ATG4C: variants seen among roughly 807,000 people sequenced by gnomAD.
The protein encoded by ATG4C is autophagy related 4C cysteine peptidase, also known as cysteine protease ATG4C.
Under a neutral mutation model 57.6 loss-of-function variants are expected in ATG4C, and 56 were observed. The observed-to-expected ratio is 0.97, with a 90% CI of 0.78 to 1.21. The LOEUF is 1.21. ATG4C is among the 50% of genes most tolerant of loss of function. ATG4C has a pLI of 0.00. For synonymous variants in ATG4C, 157 were observed against 174.1 expected, an observed-to-expected ratio of 0.90 and a Z score of 0.78; for missense variants, 595 against 529.8, an observed-to-expected ratio of 1.12 and a Z score of -1.21.
chr1:62,838,819 CT>C (rs1572154036), intron 9 of ATG4C, among the ~76,000 whole-genome samples: 1 of 151,758 alleles, frequency 6.6e-6, no homozygotes, highest in East Asian at 1.9e-4. Flanking sequence ...TAAAATGCCT[CT>C]CTGTTGTATG....
intron 10 of ATG4C, among the ~76,000 whole-genome samples, chr1:62,857,411 T>C (rs1666719356): frequency 6.6e-6 from 1 of 152,206 alleles, no homozygotes. Flanking sequence ...CATCCCCAGA[T>C]GGGACAGTCT....
chr1:62,806,710 C>T (rs1572109206), intron 3 of ATG4C, among the ~76,000 whole-genome samples: 1 of 152,056 alleles, frequency 6.6e-6, no homozygotes, highest in African/African-American at 2.4e-5. Context: ...GCTGTATGTC[C>T]ATTGAGAGGT....
chr1:62,837,845 G>A (rs796314910), intron 9 of ATG4C, among the ~76,000 whole-genome samples: 4 of 152,188 alleles, frequency 2.6e-5, no homozygotes, highest in East Asian at 1.9e-4. Flanking sequence ...CAGTTGGAGC[G>A]TAGTGTGTAA....
chr1:62,804,182 G>A (rs1664778221), intron 2 of ATG4C, among the ~76,000 whole-genome samples: 1 of 151,612 alleles, frequency 6.6e-6, no homozygotes, highest in Non-Finnish European at 1.5e-5. Flanking sequence ...TGCCTCCCAG[G>A]TTCAAGTGAT....
At chr1:62,827,434 T>C (rs1665698261) in intron 6 of ATG4C, among the ~76,000 whole-genome samples, 1 of 152,186 alleles carries the variant, frequency 6.6e-6, no homozygotes, top group South Asian at 2.1e-4. Context: ...CATAAGGTCT[T>C]CCCTGGCCAC....
At chr1:62,807,542 C>T (rs540985735) in intron 3 of ATG4C, among the ~76,000 whole-genome samples, 3 of 152,234 alleles carry the variant, frequency 2.0e-5, no homozygotes, top group East Asian at 1.9e-4. Context: ...ATTTATCATG[C>T]CTATGTGATG....
chr1:62,818,404 G>A (rs1665355578), intron 4 of ATG4C, among the ~76,000 whole-genome samples: 1 of 152,090 alleles, frequency 6.6e-6, no homozygotes. Context: ...GTCAAGACTG[G>A]ATGTTTGATA....
intron 7 of ATG4C, among the ~76,000 whole-genome samples, chr1:62,833,755 T>C (rs1254597139): frequency 6.6e-6 from 1 of 152,168 alleles, no homozygotes; most frequent in Non-Finnish European, 1.5e-5. Flanking sequence ...TTTATTGCCT[T>C]ACGGTGGTAA....
At chr1:62,829,787 C>T (rs1405698440) in intron 7 of ATG4C, among the ~76,000 whole-genome samples, 4 of 152,032 alleles carry the variant, frequency 2.6e-5, no homozygotes, top group African/African-American at 9.7e-5. Flanking sequence ...CCAAGACATT[C>T]ACATATGATA....
intron 7 of ATG4C, among the ~76,000 whole-genome samples, chr1:62,833,427 A>T (rs948101609): frequency 6.6e-6 from 1 of 152,140 alleles, no homozygotes; most frequent in Non-Finnish European, 1.5e-5. Context: ...GTATTAAATA[A>T]TTTATTGTGG....
chr1:62,828,543 G>A (rs1161943201), intron 6 of ATG4C, among the ~76,000 whole-genome samples: 2 of 152,070 alleles, frequency 1.3e-5, no homozygotes, highest in South Asian at 2.1e-4. Flanking sequence ...TACAGATGCT[G>A]GATATTAGAC....
chr1:62,807,049 C>T lies in ATG4C; in HGVS notation c.160+1794C>T, dbSNP rs575900117. On this transcript the variant is annotated intron_variant, in intron 3 of 10. Coordinates refer to ENST00000317868, the MANE Select transcript of ATG4C (RefSeq NM_032852.4). Reference sequence around the variant, plus strand: ...TTTTGAGCAATGAAATGAAAAATTTCATTTAATTATTTTTAGTAATCATTT... The same window carrying T: ...TTTTGAGCAATGAAATGAAAAATTTTATTTAATTATTTTTAGTAATCATTT... Among the ~76,000 whole-genome samples, 167 of 152,258 alleles carry T rather than the reference C, an allele frequency of 1.1e-3. 2 individuals carry two copies. Among genetic ancestry groups the T allele is most frequent in the Non-Finnish European group, 2.0e-3 (134 of 68,026 alleles).
At chr1:62,818,919 A>G in intron 4 of ATG4C, 86 bp from the exon 5 acceptor site, 2 of 1,085,856 alleles carry the variant, frequency 1.8e-6, no homozygotes, top group Non-Finnish European at 2.6e-6. Flanking sequence ...AACCCAAATG[A>G]CCTTAAATGC....
At chr1:62,791,556 T>C (rs10889380) in intron 1 of ATG4C, among the ~76,000 whole-genome samples, 32,561 of 152,106 alleles carry the variant, frequency 0.21, 4,384 homozygotes, top group African/African-American at 0.37. Flanking sequence ...CTGGTGGGGA[T>C]TCTGCAGAGT....
chr1:62,850,819 TCTG>T (rs1338795795), intron 10 of ATG4C, among the ~76,000 whole-genome samples: 1 of 142,996 alleles, frequency 7.0e-6, no homozygotes, highest in African/African-American at 2.5e-5. Flanking sequence ...ACGTATATAT[TCTG>T]CTGTATCATG....
chr1:62,842,006 A>T (rs1666184250), intron 10 of ATG4C, among the ~76,000 whole-genome samples: 1 of 152,180 alleles, frequency 6.6e-6, no homozygotes, highest in African/African-American at 2.4e-5. Context: ...TTATCAAATG[A>T]GCTGTGTTTT....
chr1:62,788,695 C>T (rs1453621160), intron 1 of ATG4C, among the ~76,000 whole-genome samples: 1 of 151,894 alleles, frequency 6.6e-6, no homozygotes, highest in African/African-American at 2.4e-5. Flanking sequence ...ACAAAAATAC[C>T]GAATCCAATT....
chr1:62,817,702 T>C (rs956609157), intron 4 of ATG4C, among the ~76,000 whole-genome samples: 1 of 152,202 alleles, frequency 6.6e-6, no homozygotes, highest in Non-Finnish European at 1.5e-5. Flanking sequence ...AAAATGTCAT[T>C]GATACTTAAC....
chr1:62,799,982 A>C (rs1664603536), intron 1 of ATG4C, among the ~76,000 whole-genome samples: 1 of 151,178 alleles, frequency 6.6e-6, no homozygotes, highest in South Asian at 2.1e-4. Flanking sequence ...TGGATTTGTC[A>C]CAGCATCTTA....
Sources: allele counts gnomAD v4.1 joint callset (sites outside exome capture counted in the v4.1 genomes callset), GRCh38; gene constraint gnomAD v4.1.1; transcripts MANE v1.5; gene names NCBI Gene and HGNC (gene_info 2026-07-23, HGNC 2026-07-21).